SIK3: variants seen among roughly 807,000 people sequenced by gnomAD.
SIK3 encodes the protein serine/threonine-protein kinase SIK3.
In SIK3, 28 loss-of-function variants were observed where a neutral mutation model predicts 144.2. The ratio of observed to expected loss-of-function variants is 0.19; its 90% CI spans 0.14 to 0.27. The LOEUF (loss-of-function observed/expected upper bound fraction) is 0.27, where lower values mean the gene tolerates loss of function less well. Among genes scored for constraint, SIK3 ranks in the 10% least tolerant of loss-of-function variants. SIK3 has a pLI of 1.00. For synonymous variants in SIK3, 686 were observed against 676.3 expected, an observed-to-expected ratio of 1.01 and a Z score of -0.22; for missense variants, 1,319 against 1,776.0, an observed-to-expected ratio of 0.74 and a Z score of 4.62.
chr11:116,922,900 CTTTTCTCTTTTT>C (rs1947067164), intron 4 of SIK3, among the ~76,000 whole-genome samples: 1 of 123,118 alleles, frequency 8.1e-6, no homozygotes. Context: ...TTCTCCTTTT[CTTTTCTCTTTTT>C]TTTTTTTTTT....
chr11:117,071,274 C>T (rs1164085417), intron 1 of SIK3, among the ~76,000 whole-genome samples: 1 of 151,576 alleles, frequency 6.6e-6, no homozygotes, highest in Admixed American at 6.6e-5. Context: ...AATTAGCCCA[C>T]AGTATAAGAA....
intron 4 of SIK3, among the ~76,000 whole-genome samples, chr11:116,923,643 G>A (rs747151742): frequency 2.0e-5 from 3 of 152,202 alleles, no homozygotes; most frequent in Non-Finnish European, 4.4e-5. Context: ...ATTGTAGCAG[G>A]CCGCAAAACT....
intron 1 of SIK3, among the ~76,000 whole-genome samples, chr11:117,003,699 T>C (rs1302329937): frequency 1.3e-5 from 2 of 152,140 alleles, no homozygotes; most frequent in Non-Finnish European, 2.9e-5. Context: ...TAAGCATACG[T>C]TGTTGTTATG....
intron 3 of SIK3, among the ~76,000 whole-genome samples, chr11:116,932,749 T>C (rs1947683528): frequency 1.3e-5 from 2 of 152,192 alleles, no homozygotes; most frequent in Non-Finnish European, 1.5e-5. Context: ...AAGAACACTA[T>C]ATAAACAGAA....
intron 1 of SIK3, among the ~76,000 whole-genome samples, chr11:117,073,721 C>G (rs7935834): frequency 0.39 from 59,679 of 152,000 alleles, 14,870 homozygotes; most frequent in African/African-American, 0.72. Flanking sequence ...CAGCTTCACA[C>G]GTCCTTGTCT....
intron 1 of SIK3, among the ~76,000 whole-genome samples, chr11:117,079,836 T>C (rs1954706619): frequency 6.6e-6 from 1 of 152,012 alleles, no homozygotes; most frequent in Non-Finnish European, 1.5e-5. Context: ...AAAATATCAG[T>C]AATATATTTT....
chr11:116,984,976 G>A (rs1004200556), intron 1 of SIK3, among the ~76,000 whole-genome samples: 3 of 152,140 alleles, frequency 2.0e-5, no homozygotes, highest in Non-Finnish European at 4.4e-5. Flanking sequence ...TCTTCATAGC[G>A]AAACTTCAAA....
chr11:116,997,810 G>C (rs1412470816), intron 1 of SIK3, among the ~76,000 whole-genome samples: 2 of 152,174 alleles, frequency 1.3e-5, no homozygotes, highest in Non-Finnish European at 2.9e-5. Context: ...CAGTCAAGAA[G>C]GGGACAAAAA....
intron 6 of SIK3, among the ~76,000 whole-genome samples, chr11:116,877,938 AT>A (rs1490380977): frequency 6.6e-6 from 1 of 152,218 alleles, no homozygotes; most frequent in Non-Finnish European, 1.5e-5. Context: ...GGAATGTACT[AT>A]CATTGTTCCC....
intron 1 of SIK3, among the ~76,000 whole-genome samples, chr11:117,024,618 G>A (rs959188120): frequency 6.6e-6 from 1 of 152,130 alleles, no homozygotes; most frequent in Non-Finnish European, 1.5e-5. Context: ...AAAACCATCT[G>A]GCTGGGCATG....
At chr11:116,913,423 G>A (rs141955303) in intron 4 of SIK3, among the ~76,000 whole-genome samples, 1 of 152,174 alleles carries the variant, frequency 6.6e-6, no homozygotes, top group East Asian at 1.9e-4. Flanking sequence ...GCTGAACTCA[G>A]CTATTTTAAA....
chr11:117,049,527 G>A (rs139503885), intron 1 of SIK3, among the ~76,000 whole-genome samples: 33 of 152,104 alleles, frequency 2.2e-4, no homozygotes, highest in African/African-American at 7.2e-4. Context: ...GCAGTAAGCC[G>A]AGATCGCGCC....
intron 1 of SIK3, among the ~76,000 whole-genome samples, chr11:117,032,769 T>C (rs781420162): frequency 1.8e-4 from 28 of 152,124 alleles, no homozygotes; most frequent in Non-Finnish European, 3.5e-4. Flanking sequence ...TAGTATTTTA[T>C]TGTATGAATA....
rs77127738 is a variant in SIK3 at position 116,900,143 on chromosome 11, C to T, written c.617-2826G>A. ...CCCAATACTTGCTTGGGAAGAAACA[C>T]CTCAAACCCACCATTTTCCAAAGTC... is the stretch of plus-strand genomic sequence containing the variant. On this transcript the variant is annotated intron_variant, in intron 4 of 24. Coordinates refer to ENST00000445177, the MANE Select transcript of SIK3 (RefSeq NM_001366686.3). 9.8e-3 allele frequency among the ~76,000 whole-genome samples: 1,496 copies of T among 152,214 alleles called. 26 individuals are homozygous for T. Among genetic ancestry groups the T allele is most frequent in the African/African-American group, 0.034 (1,414 of 41,500 alleles).
intron 21 of SIK3, among the ~76,000 whole-genome samples, chr11:116,856,206 A>G (rs1194115626): frequency 6.6e-6 from 1 of 151,770 alleles, no homozygotes; most frequent in Non-Finnish European, 1.5e-5. Context: ...CAAAAAAAAA[A>G]AAAAAAAGAA....
chr11:117,078,150 A>G (rs1954632079), intron 1 of SIK3, among the ~76,000 whole-genome samples: 1 of 152,216 alleles, frequency 6.6e-6, no homozygotes, highest in East Asian at 1.9e-4. Context: ...GATGCTCACA[A>G]GACCCTGAAG....
chr11:116,857,797 A>G lies in SIK3; in HGVS notation c.3655+13T>C. On this transcript the variant is annotated intron_variant, in intron 21 of 24. Transcript: ENST00000445177. ...AGACTGGCCCAGGACTTCCACTGTG[A>G]GGAGACACTTACCTCTGCTGGGCAC... 6.2e-7 allele frequency: 1 copy of G among 1,613,478 alleles called. No individual in the cohort carries two copies. The highest frequency in any genetic ancestry group is 1.7e-4 in the Middle Eastern group (1 of 6,056).
At position 117,022,834 on chromosome 11, in the gene SIK3, T is replaced by TA. The variant is rs61697392; in HGVS notation, c.274-65771dup. 2.7e-3 allele frequency among the ~76,000 whole-genome samples: 399 copies of TA among 146,154 alleles called. 3 individuals carry two copies. The highest frequency in any genetic ancestry group is 8.8e-3 in the East Asian group (44 of 4,972). ...GGCAAGGGAGGAAATGTGAAGAAGT[T>TA]AAAAAAAAAAAAAAGGTACAAATGT... On this transcript the variant is annotated intron_variant, in intron 1 of 24. Coordinates refer to ENST00000445177, the MANE Select transcript of SIK3 (RefSeq NM_001366686.3).
chr11:116,858,678 G>C lies in SIK3; in HGVS notation c.2787C>G (p.Ser929=), dbSNP rs749056583. 4.5e-6 allele frequency: 7 copies of C among 1,545,240 alleles called. No individual in the cohort carries two copies. The highest frequency in any genetic ancestry group is 3.5e-4 in the Middle Eastern group (2 of 5,726). ...AATGCGCCTGGTCGTAGTTAGCAGG[G>C]GAGAACCGATTCACGTTCAAGCTGC... ...EAHSLNVNRF[S]PANYDQAHLH... Residue 929 remains serine (S), a synonymous_variant, in exon 21 of 25, where the codon TCC becomes TCG. Coordinates refer to ENST00000445177, the MANE Select transcript of SIK3 (RefSeq NM_001366686.3). This position sits in a 1 kb window ranked among gnomAD's most constrained non-coding sequence, Gnocchi z 5.4.
Sources: allele counts gnomAD v4.1 joint callset (sites outside exome capture counted in the v4.1 genomes callset), GRCh38; gene constraint gnomAD v4.1.1; non-coding constraint Gnocchi (gnomAD v3.1); transcripts MANE v1.5; gene names NCBI Gene and HGNC (gene_info 2026-07-23, HGNC 2026-07-21).